ADGRG6: variants seen among roughly 807,000 people sequenced by gnomAD.
The protein encoded by ADGRG6 is G-protein coupled receptor 126.
A neutral mutation model predicts 142.4 loss-of-function variants in ADGRG6; 84 were observed. The observed-to-expected ratio is 0.59, with a 90% CI of 0.49 to 0.71. ADGRG6 has a LOEUF of 0.71. Among genes scored for constraint, ADGRG6 ranks in the 30% least tolerant of loss-of-function variants. The probability of loss-of-function intolerance (pLI) is 0.00; values close to 1 mark genes in which losing one functional copy is unlikely to be tolerated. For missense variants in ADGRG6, 1,367 were observed against 1,466.6 expected (o/e 0.93, Z 1.11); for synonymous variants, 521 against 520.5 (o/e 1.00, Z -0.01).
intron 2 of ADGRG6, among the ~76,000 whole-genome samples, chr6:142,341,360 G>A (rs1779606561): frequency 8.0e-6 from 1 of 125,694 alleles, no homozygotes; most frequent in African/African-American, 3.1e-5. Flanking sequence ...CTAGCATATT[G>A]TAAGAATATA....
At position 142,367,828 on chromosome 6, in the gene ADGRG6, C is replaced by G; in HGVS notation, c.363C>G (p.Asn121Lys). The G allele has an allele frequency of 6.2e-7, 1 of 1,613,786 alleles. No homozygotes were observed. Among genetic ancestry groups the G allele is most frequent in the Non-Finnish European group, 8.5e-7 (1 of 1,179,708 alleles). ...CGATAKGLSF[N>K]SSANEMHVSF... ...CAACTGCCAAAGGCCTATCATTTAA[C>G]TCAAGTGCGAATGAGATGCATGTGT... Residue 121 changes from asparagine to lysine, a missense_variant, in exon 3 of 25, where the codon AAC (asparagine) becomes AAG (lysine). Coordinates refer to ENST00000367609, the MANE Select transcript of ADGRG6 (RefSeq NM_198569.3).
intron 2 of ADGRG6, among the ~76,000 whole-genome samples, chr6:142,364,184 A>G (rs1712270375): frequency 6.6e-6 from 1 of 152,146 alleles, no homozygotes; most frequent in African/African-American, 2.4e-5. Context: ...TTATAATGTT[A>G]AATGAGATAT....
chr6:142,348,425 G>GT (rs1208432931), intron 2 of ADGRG6, among the ~76,000 whole-genome samples: 1 of 151,772 alleles, frequency 6.6e-6, no homozygotes, highest in East Asian at 1.9e-4. Flanking sequence ...ATTTATATTG[G>GT]TAAAAAAAAG....
intron 2 of ADGRG6, among the ~76,000 whole-genome samples, chr6:142,346,553 C>G (rs1779911301): frequency 6.6e-6 from 1 of 151,458 alleles, no homozygotes; most frequent in African/African-American, 2.4e-5. Context: ...ATAAATCATT[C>G]TACTCTAAAG....
At chr6:142,416,253 A>G (rs1776354165) in intron 20 of ADGRG6, among the ~76,000 whole-genome samples, 189 bp downstream of exon 20, 2 of 152,180 alleles carry the variant, frequency 1.3e-5, no homozygotes, top group South Asian at 4.1e-4. Context: ...AAAACTCATC[A>G]ACAGCACTCA....
intron 1 of ADGRG6, among the ~76,000 whole-genome samples, chr6:142,306,736 G>C (rs1341831018): frequency 6.6e-6 from 1 of 151,984 alleles, no homozygotes; most frequent in Non-Finnish European, 1.5e-5. Flanking sequence ...TAGTAACCCT[G>C]TTCAGGATTT....
chr6:142,318,217 TTA>T (rs1240680835), intron 2 of ADGRG6, among the ~76,000 whole-genome samples: 3 of 42,856 alleles, frequency 7.0e-5, no homozygotes, highest in Non-Finnish European at 1.2e-4. Flanking sequence ...TATTTATATA[TTA>T]TATATATTTA....
chr6:142,344,835 T>G (rs1383884302), intron 2 of ADGRG6, among the ~76,000 whole-genome samples: 2 of 151,996 alleles, frequency 1.3e-5, no homozygotes, highest in Non-Finnish European at 2.9e-5. Context: ...AGTCTACAGT[T>G]GTGGCCATCA....
chr6:142,427,893 T>A (rs1777027821), intron 22 of ADGRG6, among the ~76,000 whole-genome samples: 1 of 152,156 alleles, frequency 6.6e-6, no homozygotes, highest in Non-Finnish European at 1.5e-5. Context: ...AGGAAAAACC[T>A]GCACCCATAA....
chr6:142,393,966 G>A lies in ADGRG6; in HGVS notation c.1424+8G>A. 1 of 1,509,890 alleles carries A rather than the reference G, an allele frequency of 6.6e-7. No individual in the cohort carries two copies. Among genetic ancestry groups the A allele is most frequent in the East Asian group, 2.4e-5 (1 of 41,720 alleles). The allele number at this position is 1,509,890 out of a possible 1,614,324, so 93.5% of individuals were successfully genotyped here. A position where few individuals can be genotyped will look rare whatever the true frequency, so the allele number is the denominator to read the frequency against. ...CCTTGAGGATGAGCCAAGGTAACAG[G>A]ACAAAGTATTGTAAAGAGTATAACA... On this transcript the variant is annotated splice_region_variant and intron_variant, in intron 9 of 24. Coordinates refer to ENST00000367609, the MANE Select transcript of ADGRG6 (RefSeq NM_198569.3).
intron 22 of ADGRG6, among the ~76,000 whole-genome samples, chr6:142,432,734 CT>C (rs1777273994): frequency 6.6e-6 from 1 of 152,180 alleles, no homozygotes; most frequent in African/African-American, 2.4e-5. Context: ...TCCTCTCTGG[CT>C]GTGCTTAGCA....
In ADGRG6 at chr6:142,443,448, C is replaced by G; in HGVS notation, c.3686C>G (p.Ala1229Gly). The change falls in exon 25 of 25, where the codon GCT (alanine) becomes GGT (glycine). Residue 1229 changes from alanine to glycine, a missense_variant. Ala to Gly is a moderately conservative substitution (Grantham distance 60, BLOSUM62 0). Coordinates refer to ENST00000367609, the MANE Select transcript of ADGRG6 (RefSeq NM_198569.3). ...VIDKVKGYCN[A>G]HSDNFYKNII... ...GATAAGGTCAAGGGTTATTGCAATG[C>G]TCATTCAGACAACTTCTATAAAAAT... The G allele has an allele frequency of 6.2e-7, 1 of 1,610,814 alleles. No individual in the cohort carries two copies. Among genetic ancestry groups the G allele is most frequent in the South Asian group, 1.1e-5 (1 of 90,954 alleles).
chr6:142,304,813 G>A (rs1215856820), intron 1 of ADGRG6, among the ~76,000 whole-genome samples: 2 of 152,190 alleles, frequency 1.3e-5, no homozygotes, highest in East Asian at 1.9e-4. Context: ...ATTTCTAATT[G>A]GATGAGATTA....
intron 2 of ADGRG6, among the ~76,000 whole-genome samples, chr6:142,363,432 T>C (rs1780808816): frequency 6.6e-6 from 1 of 152,194 alleles, no homozygotes; most frequent in Non-Finnish European, 1.5e-5. Context: ...GACTTTTCAT[T>C]ATAGATTAGA....
At chr6:142,373,202 C>T (rs576601024) in intron 4 of ADGRG6, among the ~76,000 whole-genome samples, 17 of 152,298 alleles carry the variant, frequency 1.1e-4, no homozygotes, top group Non-Finnish European at 2.4e-4. Context: ...CTGTGCTCTT[C>T]TAACCAGTAT....
chr6:142,302,307 G>T lies in ADGRG6; in HGVS notation c.-23G>T. Reference sequence around the variant, plus strand: ...GGAGGATGATCTTGCGGCCAAAGGGGACCTCGGCGCAGTAATGTCAACATG... The same window carrying T: ...GGAGGATGATCTTGCGGCCAAAGGGTACCTCGGCGCAGTAATGTCAACATG... On this transcript the variant is annotated 5_prime_UTR_variant, in exon 1 of 25. Coordinates refer to ENST00000367609, the MANE Select transcript of ADGRG6 (RefSeq NM_198569.3). The T allele has an allele frequency of 3.1e-6, 5 of 1,612,554 alleles. No individual in the cohort carries two copies. Among genetic ancestry groups the T allele is most frequent in the Non-Finnish European group, 4.2e-6 (5 of 1,179,170 alleles).
At chr6:142,381,864 G>A in intron 4 of ADGRG6, 87 bp from the exon 5 acceptor site, 1 of 801,354 alleles carries the variant, frequency 1.2e-6, no homozygotes, top group Non-Finnish European at 2.1e-6. Context: ...TTCTAGGGCT[G>A]CTTCTATTAC....
At chr6:142,317,729 A>T (rs1355357073) in intron 2 of ADGRG6, among the ~76,000 whole-genome samples, 1 of 107,554 alleles carries the variant, frequency 9.3e-6, no homozygotes, top group Non-Finnish European at 1.7e-5. Flanking sequence ...TTATATATTA[A>T]TATATATTTA....
intron 9 of ADGRG6, among the ~76,000 whole-genome samples, chr6:142,396,379 G>T (rs1234719636): frequency 1.3e-5 from 2 of 152,064 alleles, no homozygotes; most frequent in Non-Finnish European, 2.9e-5. Flanking sequence ...TTTAGAGAGA[G>T]CTTTTCAGAG....
Sources: allele counts gnomAD v4.1 joint callset (sites outside exome capture counted in the v4.1 genomes callset), GRCh38; gene constraint gnomAD v4.1.1; transcripts MANE v1.5; gene names NCBI Gene and HGNC (gene_info 2026-07-23, HGNC 2026-07-21).